Variants in NELL1 observed in about 807,000 individuals in gnomAD.
NELL1 encodes protein kinase C-binding protein NELL1.
A neutral mutation model predicts 107.4 loss-of-function variants in NELL1; 76 were observed. The observed-to-expected ratio is 0.71, with a 90% CI of 0.59 to 0.86. The LOEUF (loss-of-function observed/expected upper bound fraction) is 0.86. NELL1 is among the 40% of genes least tolerant of loss of function. The pLI is 0.00. For synonymous variants in NELL1, 353 were observed against 341.2 expected (o/e 1.03, Z -0.38); for missense variants, 1,024 against 1,005.5 (o/e 1.02, Z -0.25).
chr11:21,420,164 A>G (rs1195662259), intron 15 of NELL1, among the ~76,000 whole-genome samples: 1 of 152,142 alleles, frequency 6.6e-6, no homozygotes, highest in Non-Finnish European at 1.5e-5. Context: ...AAATGTAGTT[A>G]TTAAGCTTAT....
chr11:21,441,149 TATTCTCCAGAACACAATTTGATTCTCC>T (rs1236426224), intron 15 of NELL1, among the ~76,000 whole-genome samples: 2 of 152,160 alleles, frequency 1.3e-5, no homozygotes, highest in Non-Finnish European at 2.9e-5. Flanking sequence ...GAACTGGGGC[TATTCTCCAGAACACAATTTGATTCTCC>T]ATTCCAAACT....
chr11:21,104,547 A>C (rs931723068), intron 12 of NELL1, among the ~76,000 whole-genome samples: 1 of 152,152 alleles, frequency 6.6e-6, no homozygotes, highest in African/African-American at 2.4e-5. Context: ...GCAATCCAAC[A>C]CTCTAATTTG....
rs1164420669 is a variant in NELL1, at chr11:21,179,862, C to CTTTTTTTT, written c.1427-49452_1427-49445dup. Among the ~76,000 whole-genome samples, 83 of 75,696 alleles carry CTTTTTTTT rather than the reference C, an allele frequency of 1.1e-3. 6 individuals carry two copies. Among genetic ancestry groups the CTTTTTTTT allele is most frequent in the East Asian group, 1.8e-3 (4 of 2,202 alleles). 49.7% of individuals were successfully genotyped at this position (75,696 alleles called of 152,430 possible). ...AAGGTTTAGGACAGAAATCAACACACTTTTTTTTTTTTTTTTTTTTTTTTT... is the reference window on the plus strand; with the variant it reads ...AAGGTTTAGGACAGAAATCAACACACTTTTTTTTTTTTTTTTTTTTTTTTTTTTTTTTT... On this transcript the variant is annotated intron_variant, in intron 13 of 19. Coordinates refer to ENST00000357134, the MANE Select transcript of NELL1 (RefSeq NM_006157.5).
chr11:21,163,828 C>T (rs1856424410), intron 13 of NELL1, among the ~76,000 whole-genome samples: 2 of 151,872 alleles, frequency 1.3e-5, no homozygotes, highest in Admixed American at 1.3e-4. Flanking sequence ...CTCATCTAAA[C>T]CTAGTTGTCT....
intron 5 of NELL1, among the ~76,000 whole-genome samples, chr11:20,917,959 C>T (rs572356479): frequency 2.0e-5 from 3 of 152,034 alleles, no homozygotes; most frequent in Admixed American, 1.3e-4. Flanking sequence ...TTGGCATTAA[C>T]TAGTGGTAAC....
At chr11:21,547,852 T>C (rs1856481419) in intron 16 of NELL1, among the ~76,000 whole-genome samples, 1 of 151,946 alleles carries the variant, frequency 6.6e-6, no homozygotes, top group Admixed American at 6.6e-5. Flanking sequence ...CAGTGAGGTC[T>C]GAATTTTCTC....
chr11:20,903,698 G>T (rs1849929589), intron 5 of NELL1, among the ~76,000 whole-genome samples: 1 of 151,990 alleles, frequency 6.6e-6, no homozygotes. Flanking sequence ...CAAATATCCT[G>T]GAAGGCTTGT....
chr11:21,041,824 T>C (rs557943528), intron 12 of NELL1, among the ~76,000 whole-genome samples: 11 of 152,318 alleles, frequency 7.2e-5, no homozygotes, highest in African/African-American at 2.6e-4. Flanking sequence ...TAAACAAAAC[T>C]ACAGTCGAAT....
At chr11:21,327,325 C>T (rs1850168741) in intron 14 of NELL1, among the ~76,000 whole-genome samples, 1 of 150,960 alleles carries the variant, frequency 6.6e-6, no homozygotes. Flanking sequence ...TGCACATGTA[C>T]CCTAAAACTT....
At chr11:20,945,153 G>C (rs1850936658) in intron 10 of NELL1, among the ~76,000 whole-genome samples, 1 of 152,180 alleles carries the variant, frequency 6.6e-6, no homozygotes, top group South Asian at 2.1e-4. Flanking sequence ...AAGGATTTCA[G>C]TACAAGTGAT....
chr11:21,417,913 C>T (rs1163624433), intron 15 of NELL1, among the ~76,000 whole-genome samples: 1 of 152,012 alleles, frequency 6.6e-6, no homozygotes, highest in African/African-American at 2.4e-5. Flanking sequence ...CCATCCAGCT[C>T]AACAGTATCT....
intron 12 of NELL1, among the ~76,000 whole-genome samples, chr11:21,009,929 ACCCCCT>A (rs1319042216): frequency 7.1e-6 from 1 of 141,238 alleles, no homozygotes; most frequent in Non-Finnish European, 1.5e-5. Flanking sequence ...AACCATCAGC[ACCCCCT>A]CCCCCTCCCC....
chr11:20,779,706 T>C (rs1856817442), intron 2 of NELL1, among the ~76,000 whole-genome samples: 1 of 152,246 alleles, frequency 6.6e-6, no homozygotes, highest in African/African-American at 2.4e-5. Context: ...AATTGTAGAA[T>C]CTAGGTTTCT....
intron 3 of NELL1, among the ~76,000 whole-genome samples, chr11:20,820,852 C>A (rs1382122009): frequency 6.6e-6 from 1 of 152,204 alleles, no homozygotes; most frequent in African/African-American, 2.4e-5. Flanking sequence ...CCCTGCCATG[C>A]TATATCCCCA....
chr11:21,334,947 T>G (rs977381911), intron 14 of NELL1, among the ~76,000 whole-genome samples: 3 of 151,956 alleles, frequency 2.0e-5, no homozygotes, highest in Non-Finnish European at 2.9e-5. Context: ...GCAAACATGT[T>G]GTTTTGGTTA....
intron 2 of NELL1, among the ~76,000 whole-genome samples, chr11:20,766,063 C>G (rs1162171939): frequency 2.6e-5 from 4 of 152,132 alleles, no homozygotes; most frequent in African/African-American, 4.8e-5. Flanking sequence ...AGTTGTGACA[C>G]AAGTATGTAC....
intron 13 of NELL1, among the ~76,000 whole-genome samples, chr11:21,222,477 T>A (rs558680853): frequency 6.6e-6 from 1 of 151,998 alleles, no homozygotes; most frequent in East Asian, 1.9e-4. Flanking sequence ...ATTACAGGCG[T>A]GAGCCACCAC....
intron 13 of NELL1, among the ~76,000 whole-genome samples, chr11:21,135,119 G>T (rs889264437): frequency 1.3e-5 from 2 of 152,116 alleles, no homozygotes; most frequent in Non-Finnish European, 2.9e-5. Context: ...GGAAAAGCAC[G>T]CTATCACCTT....
intron 1 of NELL1, among the ~76,000 whole-genome samples, chr11:20,676,072 C>A (rs1351809885): frequency 6.6e-6 from 1 of 152,052 alleles, no homozygotes; most frequent in Admixed American, 6.6e-5. Context: ...ACTTCTCTAC[C>A]CCTGGCCCAT....
Sources: gnomAD v4.1 joint callset for allele counts (sites outside exome capture counted in the v4.1 genomes callset) on GRCh38, gnomAD v4.1.1 for gene constraint, MANE v1.5 for transcripts, NCBI Gene and HGNC (gene_info 2026-07-23, HGNC 2026-07-21) for gene names.